Variants in IFT172 observed in about 807,000 individuals in gnomAD.
IFT172 encodes intraflagellar transport protein 172 homolog.
In IFT172, 164 loss-of-function variants were observed where a neutral mutation model predicts 248.9. That is an observed-to-expected ratio of 0.66 (90% CI 0.58 to 0.75). The LOEUF is 0.75. Ranked by LOEUF, IFT172 falls within the 30% of genes least tolerant of loss-of-function variation. The pLI, the probability that IFT172 is intolerant of heterozygous loss-of-function variation, is 0.00. For synonymous variants in IFT172, 729 were observed against 791.6 expected (o/e 0.92, Z 1.33); for missense variants, 1,950 against 2,192.4 (o/e 0.89, Z 2.21).
intron 47 of IFT172, 140 bp from the exon 48 acceptor site, chr2:27,444,661 G>GTTTA (rs1664870540): frequency 1.4e-6 from 1 of 705,756 alleles, no homozygotes; most frequent in Non-Finnish European, 2.4e-6. Context: ...TTTTTTGTTT[G>GTTTA]TTTTGAGACA....
At chr2:27,462,883 A>T in intron 19 of IFT172, 90 bp from the exon 20 acceptor site, 1 of 1,353,664 alleles carries the variant, frequency 7.4e-7, no homozygotes. Flanking sequence ...AGGATGTAGA[A>T]AACAAAAGAC....
In IFT172 at chr2:27,454,185, G is replaced by T. The variant is rs1473819280; in HGVS notation, c.3531-23C>A. On this transcript the variant is annotated intron_variant, in intron 32 of 47. Transcript: ENST00000260570. This position sits in a 1 kb window ranked among gnomAD's most constrained non-coding sequence, Gnocchi z 4.2. ...AACCTGCCTCCAGGTGGGGACAGAG[G>T]AGAGACTGAGTATAGGACTGAGGCC... 1 of 1,608,258 alleles carries T rather than the reference G, an allele frequency of 6.2e-7. No individual in the cohort carries two copies. Among genetic ancestry groups the T allele is most frequent in the Admixed American group, 1.7e-5 (1 of 59,596 alleles).
chr2:27,458,138 C>A lies in IFT172; in HGVS notation c.2963G>T (p.Arg988Leu). 6.2e-7 allele frequency: 1 copy of A among 1,614,072 alleles called. No individual in the cohort carries two copies. Among genetic ancestry groups the A allele is most frequent in the Non-Finnish European group, 8.5e-7 (1 of 1,179,928 alleles). ...AQEMEKQGKYREAERLYVTVQ... is the reference protein window; with the variant it reads ...AQEMEKQGKYLEAERLYVTVQ... ...GGCCACGGCTCACCTTTCAGCCTCA[C>A]GGTACTTGCCCTGCTTCTCCATTTC... The change falls in exon 27 of 48, where the codon CGT becomes CTT. Residue 988 changes from arginine to leucine, a missense_variant. By Grantham distance (102) the Arg-to-Leu change is moderately radical. Transcript: ENST00000260570.
In IFT172 at chr2:27,445,041, G is replaced by A; in HGVS notation, c.5133C>T (p.Asn1711=). Residue 1711 remains asparagine (N), a synonymous_variant, in exon 47 of 48, where the codon AAC becomes AAT. Coordinates refer to ENST00000260570, the MANE Select transcript of IFT172 (RefSeq NM_015662.3). The surrounding 1 kb of genome is among the most constrained non-coding windows in gnomAD (Gnocchi z 4.4). ...TGATGGCCATAAGGAATTTATTCCA[G>A]TTGTCCTTGTTAGCAGCCTTCCCTG... ...KRPGKAANKD[N]WNKFLMAIKT... is the part of the protein sequence containing the mutation. 2.5e-6 allele frequency: 4 copies of A among 1,613,984 alleles called. No individual in the cohort carries two copies. The highest frequency in any genetic ancestry group is 2.5e-6 in the Non-Finnish European group (3 of 1,180,036).
At chr2:27,473,127 G>T (rs1471449092) in intron 14 of IFT172, among the ~76,000 whole-genome samples, 11 of 151,796 alleles carry the variant, frequency 7.2e-5, no homozygotes. Flanking sequence ...AGCACTTTGG[G>T]AAGCCAAGGT....
At chr2:27,481,380 T>C (rs555758597) in intron 7 of IFT172, 120 bp from the exon 8 acceptor site, 1 of 719,664 alleles carries the variant, frequency 1.4e-6, no homozygotes, top group South Asian at 1.8e-5. Context: ...TCTTCCAACA[T>C]TTCCCTATCC....
intron 14 of IFT172, among the ~76,000 whole-genome samples, chr2:27,474,017 A>G (rs1269486787): frequency 6.6e-6 from 1 of 152,128 alleles, no homozygotes. Context: ...CACGTTGGTC[A>G]GGCTGGTCTC....
chr2:27,487,109 AT>A (rs894610926), intron 1 of IFT172, among the ~76,000 whole-genome samples: 1 of 151,902 alleles, frequency 6.6e-6, no homozygotes, highest in African/African-American at 2.4e-5. Flanking sequence ...TGCCTGGCTA[AT>A]TTTTTTATAT....
At chr2:27,459,601 C>G in intron 24 of IFT172, 79 bp from the exon 25 acceptor site, 1 of 1,601,834 alleles carries the variant, frequency 6.2e-7, no homozygotes, top group East Asian at 2.2e-5. Context: ...TTTAAGCACA[C>G]TTCAACCTAC....
intron 26 of IFT172, 31 bp from the exon 27 acceptor site, chr2:27,458,254 G>A (rs1341303528): frequency 6.3e-7 from 1 of 1,579,024 alleles, no homozygotes; most frequent in East Asian, 2.2e-5. Context: ...GGCAGCCTCA[G>A]ATCCAATTCC....
rs774960607 is a variant in IFT172 at position 27,457,046 on chromosome 2, A to AAAAAT, written c.3229-398_3229-394dup. On this transcript the variant is annotated intron_variant, in intron 29 of 47. Transcript: ENST00000260570. The stretch of plus-strand genomic sequence containing the variant: ...GGTGACAGAGCGAAACTCCATCTCA[A>AAAAAT]AAAATAAAATAAAATAAAAAGTTAA... 6.6e-5 allele frequency among the ~76,000 whole-genome samples: 10 copies of AAAAAT among 152,232 alleles called. No homozygotes were observed. In the East Asian group the frequency reaches 1.7e-3, roughly 27 times the overall value.
chr2:27,448,512 G>A (rs1313005230), intron 40 of IFT172, among the ~76,000 whole-genome samples: 2 of 152,222 alleles, frequency 1.3e-5, no homozygotes, highest in African/African-American at 4.8e-5. Context: ...AGCTGGTGCT[G>A]TGTGAGTGTG....
intron 10 of IFT172, among the ~76,000 whole-genome samples, chr2:27,478,708 A>G (rs1449355679): frequency 6.6e-6 from 1 of 152,238 alleles, no homozygotes; most frequent in Non-Finnish European, 1.5e-5. Flanking sequence ...CCAATGCCTA[A>G]CACTGCTGAC....
rs145507269 is a variant in IFT172, at chr2:27,453,723, C to T, written c.3728G>A (p.Ser1243Asn). 1.9e-5 allele frequency: 31 copies of T among 1,611,658 alleles called. No homozygotes were observed. The highest frequency in any genetic ancestry group is 2.5e-5 in the Non-Finnish European group (29 of 1,179,502). ...LNYYKEAGLW[S>N]DALRICKDYV... ...GTCCTTGCAGATGCGCAGAGCGTCA[C>T]TCCATAATCCAGCCTCCTGCTCAGA... is the stretch of plus-strand genomic sequence containing the variant. Residue 1243 changes from serine (S) to asparagine (N), a missense_variant, in exon 34 of 48, where the codon AGT becomes AAT. This residue lies in a region of IFT172 where 620 missense variants were observed against 699.0 expected (regional missense o/e 0.89). Coordinates refer to ENST00000260570, the MANE Select transcript of IFT172 (RefSeq NM_015662.3).
chr2:27,486,919 G>C (rs185582609), intron 1 of IFT172, among the ~76,000 whole-genome samples: 59 of 152,022 alleles, frequency 3.9e-4, no homozygotes, highest in Admixed American at 2.0e-4. Context: ...ACTGAGGAGA[G>C]AGCACAACTA....
At chr2:27,449,632 C>T (rs1430606819) in intron 37 of IFT172, 59 bp downstream of exon 37, 3 of 1,609,728 alleles carry the variant, frequency 1.9e-6, no homozygotes, top group East Asian at 2.2e-5. Context: ...GACTTTCTCC[C>T]AGTCTTTACA....
chr2:27,458,981 G>A (rs1308372954), intron 25 of IFT172, 113 bp from the exon 26 acceptor site: 1 of 1,035,786 alleles, frequency 9.7e-7, no homozygotes, highest in Non-Finnish European at 1.4e-6. Flanking sequence ...ATACAACCTT[G>A]TAATAATAGA....
chr2:27,488,298 C>T (rs562069152), intron 1 of IFT172, among the ~76,000 whole-genome samples: 1 of 152,254 alleles, frequency 6.6e-6, no homozygotes, highest in Non-Finnish European at 1.5e-5. Flanking sequence ...GGATTACAGG[C>T]GGCTGCTGCC....
At chr2:27,453,225 G>T in intron 35 of IFT172, 159 bp downstream of exon 35, 1 of 981,572 alleles carries the variant, frequency 1.0e-6, no homozygotes, top group Non-Finnish European at 1.7e-6. Context: ...AGCCTTCAGA[G>T]GTTCTGGCTC....
Sources: gnomAD v4.1 joint callset for allele counts (sites outside exome capture counted in the v4.1 genomes callset) on GRCh38, gnomAD v4.1.1 for gene constraint, gnomAD v4.1.1 regional missense constraint, Gnocchi (gnomAD v3.1) non-coding constraint, MANE v1.5 for transcripts, NCBI Gene and HGNC (gene_info 2026-07-23, HGNC 2026-07-21) for gene names.